The following PLCB1 variants were observed in gnomAD, a reference collection of about 807,000 sequenced individuals.
The protein encoded by PLCB1 is phospholipase C beta 1.
A neutral mutation model predicts 161.8 loss-of-function variants in PLCB1; 46 were observed. The observed-to-expected ratio is 0.28, with a 90% CI of 0.22 to 0.36. The LOEUF (loss-of-function observed/expected upper bound fraction) is 0.36. PLCB1 is among the 10% of genes least tolerant of loss of function. The pLI is 1.00. For synonymous variants in PLCB1, 517 were observed against 503.7 expected, an observed-to-expected ratio of 1.03 and a Z score of -0.35; for missense variants, 1,016 against 1,472.5, an observed-to-expected ratio of 0.69 and a Z score of 5.07.
At chr20:8,133,566 C>T (rs1383119658) in intron 1 of PLCB1, among the ~76,000 whole-genome samples, 3 of 152,198 alleles carry the variant, frequency 2.0e-5, no homozygotes, top group Non-Finnish European at 4.4e-5. Context: ...TTACGAGCGG[C>T]CCAGACCCCA....
At chr20:8,486,461 A>G (rs1982725726) in intron 3 of PLCB1, among the ~76,000 whole-genome samples, 1 of 147,382 alleles carries the variant, frequency 6.8e-6, no homozygotes. Context: ...TTTTTCTCTC[A>G]GCTGCTTTTA....
intron 1 of PLCB1, among the ~76,000 whole-genome samples, chr20:8,139,867 A>G (rs1464802919): frequency 1.3e-5 from 2 of 152,230 alleles, no homozygotes; most frequent in Non-Finnish European, 2.9e-5. Context: ...TACATTTACC[A>G]GACTCCTTTT....
chr20:8,316,760 A>AT (rs939564586), intron 2 of PLCB1, among the ~76,000 whole-genome samples: 2 of 152,186 alleles, frequency 1.3e-5, no homozygotes, highest in South Asian at 2.1e-4. Flanking sequence ...GGGAAGTTGA[A>AT]TTTTTTTCCT....
At chr20:8,605,003 A>G (rs1442438942) in intron 3 of PLCB1, among the ~76,000 whole-genome samples, 1 of 152,154 alleles carries the variant, frequency 6.6e-6, no homozygotes, top group Non-Finnish European at 1.5e-5. Flanking sequence ...AATGTAAAAA[A>G]CATAAATCAA....
In PLCB1 at chr20:8,178,872, A is replaced by G. The variant is rs181158612; in HGVS notation, c.177+28501A>G. 3.3e-5 allele frequency among the ~76,000 whole-genome samples: 5 copies of G among 152,252 alleles called. No individual in the cohort carries two copies. The East Asian group carries it at 9.6e-4, about 29-fold the overall frequency. ...CATAGGGCTGGCCAGTTATCCTAGCACCATTTATTGAATAGGCAATCCATT... is the reference window on the plus strand; with the variant it reads ...CATAGGGCTGGCCAGTTATCCTAGCGCCATTTATTGAATAGGCAATCCATT... On this transcript the variant is annotated intron_variant, in intron 2 of 31. Coordinates refer to ENST00000338037, the MANE Select transcript of PLCB1 (RefSeq NM_015192.4).
intron 27 of PLCB1, among the ~76,000 whole-genome samples, chr20:8,780,919 T>A (rs1237991016): frequency 6.6e-6 from 1 of 152,254 alleles, no homozygotes; most frequent in East Asian, 1.9e-4. Context: ...TTGTTTTTAA[T>A]GAAAGCCTTT....
intron 2 of PLCB1, among the ~76,000 whole-genome samples, chr20:8,346,032 G>A (rs6086413): frequency 6.6e-6 from 1 of 152,106 alleles, no homozygotes; most frequent in African/African-American, 2.4e-5. Context: ...TTTTACGTTA[G>A]GTCTTGGCAA....
At position 8,218,246 on chromosome 20, in the gene PLCB1, AT is replaced by A. The variant is rs546102150; in HGVS notation, c.177+67876del. ...ATGGTTTCTAAAAGGGCAGTGTTTTATCCCCTGGGAGAGTGTTAGAGATGGG... is the reference window on the plus strand; with the variant it reads ...ATGGTTTCTAAAAGGGCAGTGTTTTACCCCTGGGAGAGTGTTAGAGATGGG... On this transcript the variant is annotated intron_variant, in intron 2 of 31. Transcript: ENST00000338037. 2.8e-3 allele frequency among the ~76,000 whole-genome samples: 430 copies of A among 152,234 alleles called. 2 individuals carry two copies. Among genetic ancestry groups the A allele is most frequent in the Non-Finnish European group, 3.6e-3 (248 of 68,010 alleles).
intron 31 of PLCB1, among the ~76,000 whole-genome samples, chr20:8,826,636 ACTT>A (rs1449692875): frequency 6.6e-6 from 1 of 152,002 alleles, no homozygotes; most frequent in East Asian, 1.9e-4. Context: ...ATTAACTTAA[ACTT>A]CTTCTCTATT....
intron 31 of PLCB1, among the ~76,000 whole-genome samples, chr20:8,804,908 A>G (rs549235829): frequency 7.3e-5 from 11 of 149,682 alleles, no homozygotes; most frequent in Non-Finnish European, 1.5e-4. Flanking sequence ...GAGATGAGAT[A>G]GGAGAATCCC....
chr20:8,378,048 A>C (rs1234993907), intron 3 of PLCB1, among the ~76,000 whole-genome samples: 1 of 152,220 alleles, frequency 6.6e-6, no homozygotes, highest in African/African-American at 2.4e-5. Flanking sequence ...AAAGAGACTG[A>C]GAATGGTATA....
intron 2 of PLCB1, among the ~76,000 whole-genome samples, chr20:8,215,538 C>T (rs1272073923): frequency 7.2e-5 from 11 of 151,976 alleles, no homozygotes. Context: ...CATTTCGCAG[C>T]CCCCGTCCCT....
chr20:8,352,184 C>T (rs1409816419), intron 2 of PLCB1, among the ~76,000 whole-genome samples: 2 of 152,102 alleles, frequency 1.3e-5, no homozygotes, highest in Non-Finnish European at 2.9e-5. Flanking sequence ...CATGCAAAGA[C>T]ATGTATGAAC....
intron 2 of PLCB1, among the ~76,000 whole-genome samples, chr20:8,319,268 T>G (rs1242239934): frequency 6.6e-6 from 1 of 152,144 alleles, no homozygotes; most frequent in African/African-American, 2.4e-5. Flanking sequence ...ATTTAGCTCA[T>G]GTATCTGTAG....
chr20:8,804,225 A>G (rs1442632910), intron 31 of PLCB1, among the ~76,000 whole-genome samples: 2 of 152,236 alleles, frequency 1.3e-5, no homozygotes, highest in Non-Finnish European at 2.9e-5. Flanking sequence ...TTTTCAAAAC[A>G]AATGCAATAG....
chr20:8,133,279 G>A (rs948819921), intron 1 of PLCB1, among the ~76,000 whole-genome samples: 2 of 152,148 alleles, frequency 1.3e-5, no homozygotes, highest in African/African-American at 4.8e-5. Context: ...CCAACAGGTG[G>A]TCGTTGATGC....
intron 9 of PLCB1, among the ~76,000 whole-genome samples, chr20:8,660,915 G>A (rs2123328875): frequency 6.6e-6 from 1 of 152,188 alleles, no homozygotes; most frequent in East Asian, 1.9e-4. Context: ...CACCTCACTA[G>A]TTTCATAGCC....
chr20:8,829,430 T>A (rs984281781), intron 31 of PLCB1, among the ~76,000 whole-genome samples: 1 of 152,226 alleles, frequency 6.6e-6, no homozygotes, highest in Non-Finnish European at 1.5e-5. Flanking sequence ...GCTTGGAATA[T>A]GAGCACTTAG....
chr20:8,151,351 T>C (rs944837385), intron 2 of PLCB1, among the ~76,000 whole-genome samples: 41 of 152,216 alleles, frequency 2.7e-4, no homozygotes, highest in African/African-American at 9.2e-4. Flanking sequence ...CTTTGCCTTC[T>C]GTCTCTGAGG....
Sources: allele counts gnomAD v4.1 joint callset (sites outside exome capture counted in the v4.1 genomes callset), GRCh38; gene constraint gnomAD v4.1.1; transcripts MANE v1.5; gene names NCBI Gene and HGNC (gene_info 2026-07-23, HGNC 2026-07-21).